MCPH1: variants seen among roughly 807,000 people sequenced by gnomAD.
MCPH1 encodes microcephalin 1.
MCPH1 carries 104 observed loss-of-function variants against 84.5 expected under a neutral mutation model. The observed-to-expected ratio is 1.23, with a 90% CI of 1.05 to 1.45. The LOEUF is 1.45. Among genes scored for constraint, MCPH1 ranks in the 40% most tolerant of loss-of-function variants. The probability of loss-of-function intolerance (pLI) is 0.00; values close to 1 mark genes in which losing one functional copy is unlikely to be tolerated. For missense variants in MCPH1, 1,498 were observed against 1,005.7 expected, an observed-to-expected ratio of 1.49 and a Z score of -6.62; for synonymous variants, 514 against 366.8, an observed-to-expected ratio of 1.40 and a Z score of -4.58.
chr8:6,615,435 G>A (rs1025048141), intron 12 of MCPH1, among the ~76,000 whole-genome samples: 13 of 152,196 alleles, frequency 8.5e-5, no homozygotes, highest in Non-Finnish European at 4.4e-5. Flanking sequence ...CACAACGAAC[G>A]AATGTGCAGG....
At chr8:6,575,855 G>A (rs1454453476) in intron 12 of MCPH1, among the ~76,000 whole-genome samples, 2 of 152,146 alleles carry the variant, frequency 1.3e-5, no homozygotes, top group Non-Finnish European at 2.9e-5. Context: ...CCAAAGATGA[G>A]CAGCCACTGC....
At chr8:6,470,400 C>G (rs1324380118) in intron 9 of MCPH1, among the ~76,000 whole-genome samples, 1 of 152,170 alleles carries the variant, frequency 6.6e-6, no homozygotes, top group Non-Finnish European at 1.5e-5. Flanking sequence ...TCTCCTACCT[C>G]AGCCTCCTGA....
At chr8:6,545,851 A>G (rs1822488392) in intron 12 of MCPH1, among the ~76,000 whole-genome samples, 1 of 152,254 alleles carries the variant, frequency 6.6e-6, no homozygotes, top group Non-Finnish European at 1.5e-5. Context: ...AGTGAAATCG[A>G]TTGAATTTAG....
At chr8:6,435,953 GTT>G in intron 4 of MCPH1, 93 bp from the exon 5 acceptor site, 1 of 1,440,634 alleles carries the variant, frequency 6.9e-7, no homozygotes, top group Middle Eastern at 1.8e-4. Context: ...TATTACTGAT[GTT>G]ATAAAAGGTA....
chr8:6,462,725 A>G (rs796545740), intron 9 of MCPH1, among the ~76,000 whole-genome samples: 6 of 152,314 alleles, frequency 3.9e-5, no homozygotes, highest in African/African-American at 1.4e-4. Context: ...CTTTGTGTAT[A>G]AAACAGGAAT....
chr8:6,432,839 G>GTTTATTGTAAAAACA (rs1802037733), intron 4 of MCPH1, among the ~76,000 whole-genome samples: 1 of 152,226 alleles, frequency 6.6e-6, no homozygotes, highest in African/African-American at 2.4e-5. Context: ...CCTGTGACAT[G>GTTTATTGTAAAAACA]CTAAAATCAA....
intron 12 of MCPH1, chr8:6,514,908 A>G (rs1815952097): frequency 7.3e-6 from 5 of 683,034 alleles, no homozygotes; most frequent in Non-Finnish European, 1.0e-5. Context: ...TAAGGCACGG[A>G]GTAGACCATC....
intron 12 of MCPH1, among the ~76,000 whole-genome samples, chr8:6,594,519 C>A (rs1365480471): frequency 1.3e-5 from 2 of 152,238 alleles, no homozygotes; most frequent in Non-Finnish European, 2.9e-5. Flanking sequence ...CCAGTGAATT[C>A]TGAAACAGTG....
chr8:6,642,730 G>T (rs576154134), intron 13 of MCPH1: 1 of 524,784 alleles, frequency 1.9e-6, no homozygotes, highest in Non-Finnish European at 3.5e-6. Flanking sequence ...CAACGGGAAC[G>T]TGCCCTGCAT....
intron 12 of MCPH1, chr8:6,521,182 T>C (rs374102781): frequency 6.2e-6 from 10 of 1,611,956 alleles, no homozygotes; most frequent in Non-Finnish European, 8.5e-6. Context: ...ACTTACAGTT[T>C]GATGTGGACA....
intron 12 of MCPH1, among the ~76,000 whole-genome samples, chr8:6,590,579 A>G (rs1828378756): frequency 6.6e-6 from 1 of 152,322 alleles, no homozygotes; most frequent in African/African-American, 2.4e-5. Flanking sequence ...CTAAAAACCA[A>G]TTTTTGTTAT....
chr8:6,606,067 TAAA>T (rs983248868), intron 12 of MCPH1, among the ~76,000 whole-genome samples: 2 of 152,182 alleles, frequency 1.3e-5, no homozygotes, highest in African/African-American at 4.8e-5. Flanking sequence ...TTTGTTTTAA[TAAA>T]AAAATTGTGA....
intron 12 of MCPH1, among the ~76,000 whole-genome samples, chr8:6,549,554 A>G (rs1414980927): frequency 6.6e-6 from 1 of 151,730 alleles, no homozygotes; most frequent in East Asian, 1.9e-4. Flanking sequence ...ATGGATGAGG[A>G]GGGGCGTGAG....
chr8:6,637,406 C>T (rs1460314991), intron 13 of MCPH1, among the ~76,000 whole-genome samples: 2 of 152,044 alleles, frequency 1.3e-5, no homozygotes, highest in Non-Finnish European at 2.9e-5. Flanking sequence ...CTGGCCCTTC[C>T]AGGAATGGTA....
intron 11 of MCPH1, among the ~76,000 whole-genome samples, chr8:6,490,767 A>G (rs1285265096): frequency 2.0e-5 from 3 of 152,128 alleles, no homozygotes; most frequent in Non-Finnish European, 4.4e-5. Context: ...TTAACCAGAG[A>G]ATGAGAATTA....
chr8:6,511,070 CTT>C (rs1814983861), intron 12 of MCPH1, among the ~76,000 whole-genome samples: 1 of 152,198 alleles, frequency 6.6e-6, no homozygotes, highest in Non-Finnish European at 1.5e-5. Context: ...TTAACTCTCT[CTT>C]GTCTCCTTTG....
chr8:6,532,579 A>AAG, intron 12 of MCPH1: 1 of 877,090 alleles, frequency 1.1e-6, no homozygotes. Flanking sequence ...ATCTTTAAAA[A>AAG]AAAAAAAAAA....
intron 12 of MCPH1, among the ~76,000 whole-genome samples, chr8:6,513,482 A>G (rs575982216): frequency 3.3e-4 from 50 of 151,724 alleles, no homozygotes; most frequent in Admixed American, 1.8e-3. Context: ...ACAGGCGCCC[A>G]CCACCACACC....
At chr8:6,590,687 G>T (rs1025085578) in intron 12 of MCPH1, among the ~76,000 whole-genome samples, 2 of 152,298 alleles carry the variant, frequency 1.3e-5, no homozygotes, top group South Asian at 4.1e-4. Flanking sequence ...TTGGAAATAA[G>T]CCTGGAAAAG....
Sources: gnomAD v4.1 joint callset for allele counts (sites outside exome capture counted in the v4.1 genomes callset) on GRCh38, gnomAD v4.1.1 for gene constraint, MANE v1.5 for transcripts, NCBI Gene and HGNC (gene_info 2026-07-23, HGNC 2026-07-21) for gene names.